Variants in KHDRBS2 observed in about 807,000 individuals in gnomAD.
The protein encoded by KHDRBS2 is KH domain-containing, RNA-binding, signal transduction-associated protein 2.
In KHDRBS2, 26 loss-of-function variants were observed where a neutral mutation model predicts 44.3. The observed-to-expected ratio is 0.59, with a 90% CI of 0.43 to 0.81. KHDRBS2 has a LOEUF of 0.81. KHDRBS2 is among the 40% of genes least tolerant of loss of function. The probability of loss-of-function intolerance (pLI) is 0.00; values close to 1 mark genes in which losing one functional copy is unlikely to be tolerated. For missense variants in KHDRBS2, 476 were observed against 433.1 expected (o/e 1.10, Z -0.88); for synonymous variants, 194 against 151.1 (o/e 1.28, Z -2.08).
At chr6:61,765,051 C>T (rs914546528) in intron 6 of KHDRBS2, among the ~76,000 whole-genome samples, 14 of 152,140 alleles carry the variant, frequency 9.2e-5, no homozygotes, top group South Asian at 4.1e-4. Context: ...CTTCAAATTA[C>T]GAAAGTCACT....
At chr6:61,759,362 T>C (rs928536205) in intron 6 of KHDRBS2, among the ~76,000 whole-genome samples, 2 of 152,172 alleles carry the variant, frequency 1.3e-5, no homozygotes, top group African/African-American at 4.8e-5. Flanking sequence ...CTTAAAAACT[T>C]GAAAGTTAAA....
chr6:61,592,627 G>A, the KHDRBS2 span, among the ~76,000 whole-genome samples: 1 of 152,126 alleles, frequency 6.6e-6, no homozygotes, highest in East Asian at 1.9e-4. Flanking sequence ...CAGGCTCTCT[G>A]AATAGCTAAC....
intron 4 of KHDRBS2, among the ~76,000 whole-genome samples, chr6:61,919,908 T>C (rs766421334): frequency 3.4e-5 from 2 of 58,074 alleles, no homozygotes; most frequent in East Asian, 6.3e-4. Flanking sequence ...GGTAAAAATA[T>C]CACTTTAGTA....
chr6:62,199,366 A>G (rs1826413551), intron 1 of KHDRBS2, among the ~76,000 whole-genome samples: 1 of 152,208 alleles, frequency 6.6e-6, no homozygotes, highest in Non-Finnish European at 1.5e-5. Context: ...AATCTCCTTA[A>G]GCTGATAGGC....
chr6:61,893,764 G>A (rs935637952), intron 6 of KHDRBS2, among the ~76,000 whole-genome samples: 9 of 152,090 alleles, frequency 5.9e-5, no homozygotes, highest in East Asian at 1.9e-4. Flanking sequence ...TGAGGGGAGC[G>A]GGGAGGGATA....
At chr6:62,271,727 A>G (rs1235698398) in intron 1 of KHDRBS2, among the ~76,000 whole-genome samples, 1 of 152,044 alleles carries the variant, frequency 6.6e-6, no homozygotes, top group Non-Finnish European at 1.5e-5. Flanking sequence ...AAAAAAGTTT[A>G]AAGAGTAAAA....
chr6:61,750,795 A>T (rs1207691019), intron 6 of KHDRBS2, among the ~76,000 whole-genome samples: 1 of 151,708 alleles, frequency 6.6e-6, no homozygotes, highest in Non-Finnish European at 1.5e-5. Flanking sequence ...GAGGCAATAC[A>T]TCATCACGGG....
Position 61,978,110 on chromosome 6 carries a change from G to A in KHDRBS2, c.439C>T (p.Arg147Cys), listed in dbSNP as rs760363356. 9.9e-6 allele frequency: 16 copies of A among 1,611,046 alleles called. No homozygotes were observed. The highest frequency in any genetic ancestry group is 1.3e-5 in the Non-Finnish European group (15 of 1,178,470). Residue 147 changes from arginine to cysteine, a missense_variant, in exon 4 of 9, where the codon CGT becomes TGT. By Grantham distance (180) the Arg-to-Cys change is radical. Transcript: ENST00000281156. The part of the protein sequence containing the change: ...VFAPPGEAYS[R>C]MSHALEEIKK... ...ATCTCTTCCAATGCATGACTCATAC[G>A]TGAATAAGCTTCCCCAGGTGGAGCA... is the stretch of plus-strand genomic sequence containing the variant.
In KHDRBS2 at chr6:62,034,777, T is replaced by C. The variant is rs549381112; in HGVS notation, c.336+13101A>G. Among the ~76,000 whole-genome samples the C allele has an allele frequency of 3.5e-5, 5 of 141,772 alleles. No homozygotes were observed. In the East Asian group the frequency reaches 6.3e-4, roughly 18 times the overall value. 93.0% of individuals were successfully genotyped at this position (141,772 alleles called of 152,430 possible). On this transcript the variant is annotated intron_variant, in intron 3 of 8. Transcript: ENST00000281156. Reference sequence around the variant, plus strand: ...CCACTTTCACCATTGTTACTGAACATAGTACTGCAGGAAAAAAAATCTAAT... The same window carrying C: ...CCACTTTCACCATTGTTACTGAACACAGTACTGCAGGAAAAAAAATCTAAT...
intron 6 of KHDRBS2, among the ~76,000 whole-genome samples, chr6:61,819,700 A>G (rs1340847339): frequency 3.3e-5 from 5 of 152,050 alleles, no homozygotes; most frequent in Non-Finnish European, 7.4e-5. Flanking sequence ...TCCATTTCCT[A>G]GCACTTAGGT....
intron 1 of KHDRBS2, among the ~76,000 whole-genome samples, chr6:62,212,721 G>C (rs1829282410): frequency 6.6e-6 from 1 of 152,196 alleles, no homozygotes; most frequent in Non-Finnish European, 1.5e-5. Flanking sequence ...CAGAGCAACA[G>C]ATTCTTCCCT....
chr6:61,708,130 A>T (rs1421801359), intron 7 of KHDRBS2, among the ~76,000 whole-genome samples: 1 of 151,688 alleles, frequency 6.6e-6, no homozygotes, highest in Non-Finnish European at 1.5e-5. Flanking sequence ...AATCTCTCTG[A>T]TATTAGAAAT....
intron 4 of KHDRBS2, among the ~76,000 whole-genome samples, chr6:61,919,505 A>AT (rs924422302): frequency 6.6e-6 from 1 of 151,880 alleles, no homozygotes; most frequent in Non-Finnish European, 1.5e-5. Flanking sequence ...TGTCACAATC[A>AT]TTTTTGTAAA....
chr6:61,730,615 C>T (rs1372820859), intron 7 of KHDRBS2, among the ~76,000 whole-genome samples: 1 of 151,940 alleles, frequency 6.6e-6, no homozygotes, highest in African/African-American at 2.4e-5. Context: ...GATTATTCTC[C>T]AAAACACAAT....
the KHDRBS2 span, among the ~76,000 whole-genome samples, chr6:61,671,282 T>C: frequency 6.6e-6 from 1 of 150,688 alleles, no homozygotes; most frequent in Non-Finnish European, 1.5e-5. Flanking sequence ...TATTCCATGG[T>C]GAAGTATGAA....
chr6:61,854,967 A>C (rs1423961065), intron 6 of KHDRBS2, among the ~76,000 whole-genome samples: 2 of 152,152 alleles, frequency 1.3e-5, no homozygotes, highest in East Asian at 3.9e-4. Context: ...CTGTATTCAC[A>C]CGTAGGACTG....
At chr6:61,551,146 T>G in the KHDRBS2 span, among the ~76,000 whole-genome samples, 1 of 152,306 alleles carries the variant, frequency 6.6e-6, no homozygotes, top group East Asian at 1.9e-4. Flanking sequence ...TTCATATGCT[T>G]GTTGGCCACA....
chr6:61,600,518 C>T, the KHDRBS2 span, among the ~76,000 whole-genome samples: 1 of 152,150 alleles, frequency 6.6e-6, no homozygotes, highest in African/African-American at 2.4e-5. Context: ...CAGCCACACC[C>T]CTATCTCCCT....
At position 62,063,041 on chromosome 6, in the gene KHDRBS2, C is replaced by A. The variant is rs1437679260; in HGVS notation, c.220-15047G>T. ...CTAGAAAATCTAGAAGAAATGGATACATTCCTCGACACATACACTCTCCCA... is the reference window on the plus strand; with the variant it reads ...CTAGAAAATCTAGAAGAAATGGATAAATTCCTCGACACATACACTCTCCCA... On this transcript the variant is annotated intron_variant, in intron 2 of 8. Coordinates refer to ENST00000281156, the MANE Select transcript of KHDRBS2 (RefSeq NM_152688.4). 2.0e-3 allele frequency among the ~76,000 whole-genome samples: 296 copies of A among 148,330 alleles called. 1 individual carries two copies. Among genetic ancestry groups the A allele is most frequent in the African/African-American group, 6.8e-3 (276 of 40,404 alleles).
Sources: allele counts gnomAD v4.1 joint callset (sites outside exome capture counted in the v4.1 genomes callset), GRCh38; gene constraint gnomAD v4.1.1; transcripts MANE v1.5; gene names NCBI Gene and HGNC (gene_info 2026-07-23, HGNC 2026-07-21).